Variants in ZNF133 observed in about 807,000 individuals in gnomAD.
ZNF133 encodes the protein zinc finger protein 133 (clone pHZ-13).
In ZNF133, 26 loss-of-function variants were observed where a neutral mutation model predicts 54.9. The ratio of observed to expected loss-of-function variants is 0.47; its 90% CI spans 0.35 to 0.66. The LOEUF (loss-of-function observed/expected upper bound fraction) is 0.66. Among genes scored for constraint, ZNF133 ranks in the 30% least tolerant of loss-of-function variants. The pLI, the probability that ZNF133 is intolerant of heterozygous loss-of-function variation, is 0.01. For synonymous variants in ZNF133, 298 were observed against 320.3 expected (o/e 0.93, Z 0.74); for missense variants, 653 against 820.8 (o/e 0.80, Z 2.50).
chr20:18,315,875 G>A lies in ZNF133; in HGVS notation c.1024G>A (p.Val342Met), dbSNP rs369473920. 24 of 1,613,142 alleles carry A rather than the reference G, an allele frequency of 1.5e-5. No individual in the cohort carries two copies. Among genetic ancestry groups the A allele is most frequent in the East Asian group, 6.7e-5 (3 of 44,774 alleles). ...AGGCTTCAGCCAGAAGTCAGCTGTC[G>A]TGAGACACCAGAGGACACACTTGGA... ...GKGFSQKSAV[V>M]RHQRTHLEEK... Residue 342 changes from valine to methionine, a missense_variant, in exon 7 of 7, where the codon GTG (valine) becomes ATG (methionine). Physicochemically the swap from Val to Met is conservative, Grantham distance 21 (BLOSUM62 1). Transcript: ENST00000425686.
Position 18,306,298 on chromosome 20 carries a change from G to C in ZNF133, c.122G>C (p.Gly41Ala). The change falls in exon 6 of 7, where the codon GGA becomes GCA. Residue 41 changes from glycine (G) to alanine (A), a missense_variant and splice_region_variant. Gly to Ala is a moderately conservative substitution (Grantham distance 60). This residue lies in a region of ZNF133 where 227 missense variants were observed against 233.9 expected (regional missense o/e 0.97). Coordinates refer to ENST00000425686, the MANE Select transcript of ZNF133 (RefSeq NM_001352452.2). ...LENYSNLVSL[G>A]ISFSKPELIT... is the part of the protein sequence containing the mutation. ...ACTTATTTTCTTTTCCTGTGAGCAG[G>C]AATTTCATTTTCTAAACCAGAACTC... The C allele has an allele frequency of 1.2e-6, 2 of 1,612,966 alleles. No individual in the cohort carries two copies. Among genetic ancestry groups the C allele is most frequent in the Non-Finnish European group, 1.7e-6 (2 of 1,179,448 alleles).
chr20:18,314,347 T>A (rs941674766), intron 6 of ZNF133: 1 of 152,206 alleles, frequency 6.6e-6, no homozygotes, highest in East Asian at 1.9e-4. Flanking sequence ...AGTAGAAATT[T>A]CTTCTTTTAC....
intron 6 of ZNF133, chr20:18,312,838 T>C (rs1369517451): frequency 6.6e-6 from 1 of 152,200 alleles, no homozygotes; most frequent in Non-Finnish European, 1.5e-5. Flanking sequence ...GCGTCCTGGG[T>C]AGCTGAAATT....
chr20:18,306,276 T>G (rs886321961), intron 5 of ZNF133, 22 bp from the exon 6 acceptor site: 17 of 1,606,342 alleles, frequency 1.1e-5, no homozygotes, highest in Non-Finnish European at 1.4e-5. Flanking sequence ...CCTAGTTACT[T>G]ATTTTCTTTT....
intron 1 of ZNF133, among the ~76,000 whole-genome samples, chr20:18,297,085 A>T (rs1286073089): frequency 6.6e-6 from 1 of 152,118 alleles, no homozygotes; most frequent in Non-Finnish European, 1.5e-5. Context: ...TTGTTTTTAA[A>T]ATGTTTTCTT....
rs1264856732 is a variant in ZNF133 at position 18,316,706 on chromosome 20, TC to T, written c.1856del (p.Ser619PhefsTer45). The T allele has an allele frequency of 1.2e-5, 20 of 1,614,152 alleles. No homozygotes were observed. Among genetic ancestry groups the T allele is most frequent in the Middle Eastern group, 1.6e-4 (1 of 6,062 alleles). On this transcript the variant is annotated frameshift_variant, in exon 7 of 7. Transcript: ENST00000425686. LOFTEE classifies it low-confidence loss of function (END_TRUNC). ...GTGTGGGCGGGGCTTCAGCCTCAAG[TC>T]TCACCTCAGCAGACACAGGAAGACC... ...KTCGRGFSLK[S>X]HLSRHRKTTS... is the part of the protein sequence containing the mutation.
At chr20:18,309,432 G>A (rs1307740231) in intron 6 of ZNF133, among the ~76,000 whole-genome samples, 1 of 152,214 alleles carries the variant, frequency 6.6e-6, no homozygotes, top group Non-Finnish European at 1.5e-5. Context: ...ATGGATTGGA[G>A]CCCCAAATAA....
Position 18,316,262 on chromosome 20 carries a change from T to A in ZNF133, c.1411T>A (p.Cys471Ser), listed in dbSNP as rs1366668576. Residue 471 changes from cysteine to serine, a missense_variant, in exon 7 of 7, where the codon TGT becomes AGT. Physicochemically the swap from Cys to Ser is moderately radical, Grantham distance 112. Transcript: ENST00000425686. ...AGAGAAGCCCATTGTGTGCAAGGAC[T>A]GTGGCCGGGGCTTCAGCCAGCAATC... ...SGEKPIVCKD[C>S]GRGFSQQSNL... 1 of 1,611,288 alleles carries A rather than the reference T, an allele frequency of 6.2e-7. No individual in the cohort carries two copies. Among genetic ancestry groups the A allele is most frequent in the South Asian group, 1.1e-5 (1 of 90,588 alleles).
At chr20:18,301,524 T>C (rs1038019461) in intron 3 of ZNF133, among the ~76,000 whole-genome samples, 1 of 152,212 alleles carries the variant, frequency 6.6e-6, no homozygotes, top group Non-Finnish European at 1.5e-5. Flanking sequence ...CCTTTAGCTT[T>C]ATTGACTAAG....
At chr20:18,306,672 G>A in intron 6 of ZNF133, 1 of 1,285,902 alleles carries the variant, frequency 7.8e-7, no homozygotes, top group South Asian at 1.4e-5. Flanking sequence ...TCATATATAT[G>A]GGCTTCTTTC....
At chr20:18,300,209 G>A (rs2043087290) in intron 3 of ZNF133, among the ~76,000 whole-genome samples, 1 of 152,194 alleles carries the variant, frequency 6.6e-6, no homozygotes, top group South Asian at 2.1e-4. Context: ...AGATGGAGCT[G>A]TATAGGAACA....
chr20:18,290,950 A>ATT, intron 1 of ZNF133, among the ~76,000 whole-genome samples: 1 of 152,222 alleles, frequency 6.6e-6, no homozygotes, highest in African/African-American at 2.4e-5. Flanking sequence ...AACATGGTGA[A>ATT]ACCCCATCTC....
At chr20:18,306,755 C>T in intron 6 of ZNF133, 1 of 1,321,256 alleles carries the variant, frequency 7.6e-7, no homozygotes. Context: ...AAGGCAAGCC[C>T]AGTGGGAGGA....
chr20:18,308,024 T>TA (rs1206299669), intron 6 of ZNF133, among the ~76,000 whole-genome samples: 2 of 152,204 alleles, frequency 1.3e-5, no homozygotes, highest in African/African-American at 2.4e-5. Context: ...AAAGAGTATA[T>TA]ATCCATATGT....
intron 6 of ZNF133, chr20:18,306,613 C>CT: frequency 1.0e-6 from 1 of 996,368 alleles, no homozygotes; most frequent in Non-Finnish European, 1.4e-6. Flanking sequence ...ACTAGGAAGC[C>CT]TTTTTTCCTC....
intron 3 of ZNF133, among the ~76,000 whole-genome samples, chr20:18,299,746 C>T (rs565360071): frequency 3.3e-5 from 5 of 152,272 alleles, no homozygotes; most frequent in Non-Finnish European, 7.4e-5. Context: ...TAGCAAATTT[C>T]TTACGAAAAA....
intron 6 of ZNF133, among the ~76,000 whole-genome samples, chr20:18,307,774 A>G (rs182243275): frequency 6.6e-6 from 1 of 152,126 alleles, no homozygotes; most frequent in Non-Finnish European, 1.5e-5. Flanking sequence ...GTCATTTCCA[A>G]TGTGCTAAGC....
At chr20:18,311,635 A>G (rs17805596) in intron 6 of ZNF133, among the ~76,000 whole-genome samples, 12,426 of 152,300 alleles carry the variant, frequency 0.082, 614 homozygotes, top group Middle Eastern at 0.17. Context: ...CAAAAATACA[A>G]GTAAAATTAT....
intron 1 of ZNF133, among the ~76,000 whole-genome samples, chr20:18,292,925 G>C (rs975600355): frequency 2.6e-4 from 40 of 152,352 alleles, no homozygotes; most frequent in Admixed American, 5.9e-4. Flanking sequence ...TGCTCCAACT[G>C]GTGTAGGGGT....
Sources: gnomAD v4.1 joint callset for allele counts (sites outside exome capture counted in the v4.1 genomes callset) on GRCh38, gnomAD v4.1.1 for gene constraint, gnomAD v4.1.1 regional missense constraint, MANE v1.5 for transcripts, NCBI Gene and HGNC (gene_info 2026-07-23, HGNC 2026-07-21) for gene names.